Variants in DPP6 observed in about 807,000 individuals in gnomAD.
The protein encoded by DPP6 is A-type potassium channel modulatory protein DPP6.
DPP6 carries 69 observed loss-of-function variants against 122.6 expected under a neutral mutation model. That is an observed-to-expected ratio of 0.56 (90% CI 0.46 to 0.69). DPP6 has a LOEUF of 0.69. DPP6 is among the 30% of genes least tolerant of loss of function. The pLI is 0.00. For missense variants in DPP6, 928 were observed against 1,116.9 expected, an observed-to-expected ratio of 0.83 and a Z score of 2.41; for synonymous variants, 418 against 433.1, an observed-to-expected ratio of 0.97 and a Z score of 0.43.
chr7:154,733,942 G>T (rs972151906), intron 8 of DPP6, among the ~76,000 whole-genome samples: 6 of 152,204 alleles, frequency 3.9e-5, no homozygotes, highest in African/African-American at 1.4e-4. Flanking sequence ...CACTTTGTGT[G>T]CCTTGTGTCA....
intron 7 of DPP6, among the ~76,000 whole-genome samples, chr7:154,687,083 G>T (rs1485495327): frequency 1.6e-3 from 1 of 624 alleles, no homozygotes. Context: ...GTGACTTGAG[G>T]TTACATCAAC....
At chr7:154,873,891 C>T (rs958249298) in intron 19 of DPP6, among the ~76,000 whole-genome samples, 1 of 150,820 alleles carries the variant, frequency 6.6e-6, no homozygotes, top group Admixed American at 6.6e-5. Flanking sequence ...CATGCACACA[C>T]ACGCACCCAC....
intron 6 of DPP6, among the ~76,000 whole-genome samples, chr7:154,664,068 G>A (rs1333895758): frequency 9.1e-6 from 1 of 109,736 alleles, no homozygotes; most frequent in African/African-American, 2.7e-5. Context: ...TGTTCATATA[G>A]TCATGGTGAA....
chr7:154,663,341 G>T (rs1171224252), intron 6 of DPP6, among the ~76,000 whole-genome samples: 1 of 43,892 alleles, frequency 2.3e-5, no homozygotes, highest in African/African-American at 4.3e-5. Flanking sequence ...TCACCATGGC[G>T]TATTGGCCAT....
chr7:154,666,341 TG>T (rs946329620), intron 6 of DPP6, among the ~76,000 whole-genome samples: 23 of 148,204 alleles, frequency 1.6e-4, no homozygotes, highest in African/African-American at 5.2e-4. Context: ...TTCATTGTAT[TG>T]GGGGGGTATA....
intron 5 of DPP6, among the ~76,000 whole-genome samples, chr7:154,572,505 C>CTTTTTTTTTTT (rs1831176167): frequency 2.4e-5 from 2 of 84,250 alleles, no homozygotes; most frequent in Admixed American, 1.2e-4. Flanking sequence ...CTTTTTTTTT[C>CTTTTTTTTTTT]TTTTCTTTTT....
At chr7:154,551,867 G>A (rs951418487) in intron 4 of DPP6, among the ~76,000 whole-genome samples, 24 of 152,062 alleles carry the variant, frequency 1.6e-4, no homozygotes, top group African/African-American at 4.1e-4. Context: ...TCTTTTTCAC[G>A]GCAGAGATAG....
Position 154,709,217 on chromosome 7 carries a change from G to A in DPP6, c.763-18550G>A, listed in dbSNP as rs958801754. ...AAAGTTGATTTGTGTATGTTTTGTA[G>A]AGACAGGATCTCACTCTGTGGTCCA... is the stretch of plus-strand genomic sequence containing the variant. On this transcript the variant is annotated intron_variant, in intron 7 of 25. Coordinates refer to ENST00000377770, the MANE Select transcript of DPP6 (RefSeq NM_130797.4). Among the ~76,000 whole-genome samples the A allele has an allele frequency of 6.6e-5, 10 of 152,260 alleles. No individual in the cohort carries two copies. The East Asian group carries it at 1.9e-3, about 29-fold the overall frequency.
rs1314205991 is a variant in DPP6, at chr7:154,783,715, G to C, written c.1137-10364G>C. 3.3e-5 allele frequency among the ~76,000 whole-genome samples: 5 copies of C among 152,288 alleles called. No individual in the cohort carries two copies. The East Asian group carries it at 9.7e-4, about 29-fold the overall frequency. On this transcript the variant is annotated intron_variant, in intron 10 of 25. Transcript: ENST00000377770. ...AGTCTTACTCGGGGCATGGGAATTT[G>C]ACAGGCATCTGCAGGTCCCACGCCT...
intron 3 of DPP6, among the ~76,000 whole-genome samples, chr7:154,517,762 G>C (rs952617759): frequency 1.3e-5 from 2 of 152,136 alleles, no homozygotes. Context: ...GCGGTGTTGT[G>C]TCCGGAAAGC....
At chr7:154,850,144 G>A (rs539046825) in intron 16 of DPP6, among the ~76,000 whole-genome samples, 2 of 152,208 alleles carry the variant, frequency 1.3e-5, no homozygotes, top group South Asian at 2.1e-4. Context: ...CATCACCCAA[G>A]CAGTATACAC....
intron 1 of DPP6, among the ~76,000 whole-genome samples, chr7:154,182,867 C>G (rs1315817446): frequency 6.6e-6 from 1 of 152,118 alleles, no homozygotes; most frequent in African/African-American, 2.4e-5. Context: ...CACAGCCTGG[C>G]CTTTGAATAT....
At chr7:154,056,606 T>G (rs1210962805) in intron 1 of DPP6, among the ~76,000 whole-genome samples, 2 of 152,232 alleles carry the variant, frequency 1.3e-5, no homozygotes, top group African/African-American at 4.8e-5. Context: ...GCAATACAAA[T>G]GTGATGACAA....
At chr7:154,358,160 T>TA (rs1431293205) in intron 1 of DPP6, among the ~76,000 whole-genome samples, 2 of 152,064 alleles carry the variant, frequency 1.3e-5, no homozygotes, top group Non-Finnish European at 2.9e-5. Context: ...CAACAAACAG[T>TA]AAATGTTTGT....
At chr7:154,783,785 C>G (rs141663076) in intron 10 of DPP6, among the ~76,000 whole-genome samples, 1 of 152,246 alleles carries the variant, frequency 6.6e-6, no homozygotes, top group South Asian at 2.1e-4. Context: ...TCTCCTTGCT[C>G]TTTGTCTCAA....
intron 1 of DPP6, among the ~76,000 whole-genome samples, chr7:154,397,079 A>T (rs965605292): frequency 1.5e-4 from 22 of 151,656 alleles, no homozygotes; most frequent in Admixed American, 3.3e-4. Context: ...ATCTAGTAAG[A>T]TAAATTAGAT....
At chr7:154,166,905 CATCTTAAAAAAATAAAAAGGCAG>C (rs940075556) in intron 1 of DPP6, among the ~76,000 whole-genome samples, 4 of 147,742 alleles carry the variant, frequency 2.7e-5, no homozygotes, top group Admixed American at 2.7e-4. Context: ...AGTGAGATTC[CATCTTAAAAAAATAAAAAGGCAG>C]AGGTTGCAGT....
At position 154,265,030 on chromosome 7, in the gene DPP6, A is replaced by AATAGTG. The variant is rs1449198854; in HGVS notation, c.244-181182_244-181181insAGTGAT. ...TGATAGTGATAGTGATGATGGTGTTAATGGTGATGGTGATAATGATGGTGA... is the reference window on the plus strand; with the variant it reads ...TGATAGTGATAGTGATGATGGTGTTAATAGTGATGGTGATGGTGATAATGATGGTGA... On this transcript the variant is annotated intron_variant, in intron 1 of 25. Coordinates refer to ENST00000377770, the MANE Select transcript of DPP6 (RefSeq NM_130797.4). Among the ~76,000 whole-genome samples, 190 of 151,612 alleles carry AATAGTG rather than the reference A, an allele frequency of 1.3e-3. 83 individuals carry two copies. The highest frequency in any genetic ancestry group is 4.5e-3 in the African/African-American group (185 of 41,060).
chr7:154,176,042 A>T (rs988718459), intron 1 of DPP6, among the ~76,000 whole-genome samples: 3 of 152,144 alleles, frequency 2.0e-5, no homozygotes, highest in Non-Finnish European at 4.4e-5. Flanking sequence ...GTCTATGTGC[A>T]GGGTCCCCAG....
Sources: gnomAD v4.1 joint callset for allele counts (sites outside exome capture counted in the v4.1 genomes callset) on GRCh38, gnomAD v4.1.1 for gene constraint, MANE v1.5 for transcripts, NCBI Gene and HGNC (gene_info 2026-07-23, HGNC 2026-07-21) for gene names.